The following IARS1 variants were observed in gnomAD, a reference collection of about 807,000 sequenced individuals.
IARS1 encodes the protein isoleucyl-tRNA synthetase 1, also known as isoleucine--tRNA ligase, cytoplasmic.
IARS1 carries 124 observed loss-of-function variants against 168.2 expected under a neutral mutation model. That is an observed-to-expected ratio of 0.74 (90% CI 0.64 to 0.86). The LOEUF is 0.86. Ranked by LOEUF, IARS1 falls within the 40% of genes least tolerant of loss-of-function variation. The pLI, the probability that IARS1 is intolerant of heterozygous loss-of-function variation, is 0.00. For missense variants in IARS1, 1,452 were observed against 1,515.8 expected, an observed-to-expected ratio of 0.96 and a Z score of 0.70; for synonymous variants, 532 against 529.4, an observed-to-expected ratio of 1.00 and a Z score of -0.07.
intron 33 of IARS1, among the ~76,000 whole-genome samples, chr9:92,217,420 A>C (rs1160450004): frequency 7.3e-6 from 1 of 137,414 alleles, no homozygotes; most frequent in East Asian, 2.0e-4. Context: ...AAATAACTAA[A>C]ATCAGAGCAG....
intron 30 of IARS1, among the ~76,000 whole-genome samples, chr9:92,229,878 G>A (rs561157304): frequency 6.6e-6 from 1 of 152,238 alleles, no homozygotes; most frequent in South Asian, 2.1e-4. Context: ...TATCACTCGT[G>A]TAAAATCCTG....
At chr9:92,265,402 G>A in intron 15 of IARS1, 78 bp downstream of exon 15, 2 of 1,270,438 alleles carry the variant, frequency 1.6e-6, no homozygotes, top group Non-Finnish European at 1.1e-6. Context: ...TTCCATGTGT[G>A]GCTCTGTAAT....
chr9:92,228,333 T>C (rs73516525), intron 31 of IARS1, among the ~76,000 whole-genome samples: 3,090 of 152,204 alleles, frequency 0.02, 111 homozygotes, highest in African/African-American at 0.07. Context: ...AGCGGGAGAA[T>C]GCATCTATAA....
At chr9:92,292,181 CTTTTTT>C (rs57075703) in intron 1 of IARS1, among the ~76,000 whole-genome samples, 15 of 118,010 alleles carry the variant, frequency 1.3e-4, no homozygotes, top group Non-Finnish European at 1.4e-4. Flanking sequence ...CCACACTCAG[CTTTTTT>C]TTTTTTTTTT....
At chr9:92,283,003 C>T (rs1340447299) in intron 6 of IARS1, among the ~76,000 whole-genome samples, 9 of 151,834 alleles carry the variant, frequency 5.9e-5, no homozygotes, top group Admixed American at 3.9e-4. Flanking sequence ...TAAAGGTTCA[C>T]GCCACCACGC....
At chr9:92,238,606 T>G (rs890085469) in intron 30 of IARS1, among the ~76,000 whole-genome samples, 1 of 152,180 alleles carries the variant, frequency 6.6e-6, no homozygotes, top group Non-Finnish European at 1.5e-5. Flanking sequence ...CTTTATAAAC[T>G]AGCCAGCCTC....
intron 28 of IARS1, chr9:92,242,775 C>T (rs1407452507): frequency 1.0e-5 from 2 of 200,882 alleles, no homozygotes; most frequent in Non-Finnish European, 2.0e-5. Flanking sequence ...TTTGCAGCCC[C>T]TCTGCGCTCC....
In IARS1 at chr9:92,229,782, C is replaced by T. The variant is rs148619143; in HGVS notation, c.3284-656G>A. 3.7e-4 allele frequency among the ~76,000 whole-genome samples: 56 copies of T among 152,288 alleles called. No individual in the cohort carries two copies. In the East Asian group the frequency reaches 9.5e-3, roughly 26 times the overall value. On this transcript the variant is annotated intron_variant, in intron 30 of 33. Coordinates refer to ENST00000443024, the MANE Select transcript of IARS1 (RefSeq NM_002161.6). ...ACCAGCATATTGACACTGATGCAATCCACTGATCCTATTCAGATTGCCTCA... is the reference window on the plus strand; with the variant it reads ...ACCAGCATATTGACACTGATGCAATTCACTGATCCTATTCAGATTGCCTCA...
At chr9:92,246,736 T>C (rs1206878768) in intron 26 of IARS1, among the ~76,000 whole-genome samples, 1 of 152,144 alleles carries the variant, frequency 6.6e-6, no homozygotes, top group African/African-American at 2.4e-5. Context: ...GTGCCTGTAG[T>C]GATCTCAAGT....
chr9:92,225,294 G>C (rs1420652372), intron 31 of IARS1, among the ~76,000 whole-genome samples: 1 of 152,196 alleles, frequency 6.6e-6, no homozygotes, highest in Non-Finnish European at 1.5e-5. Flanking sequence ...CGCTTGACCA[G>C]AGAACTCATT....
intron 16 of IARS1, 82 bp from the exon 17 acceptor site, chr9:92,263,137 T>A: frequency 2.0e-6 from 2 of 980,906 alleles, no homozygotes; most frequent in South Asian, 2.9e-5. Context: ...TTCATTGAAT[T>A]TCTATTTTTG....
chr9:92,240,547 A>C, intron 30 of IARS1: 1 of 631,232 alleles, frequency 1.6e-6, no homozygotes, highest in South Asian at 1.9e-5. Flanking sequence ...GGTGTGAGCT[A>C]CCATGCCTGG....
At chr9:92,271,784 T>G (rs1385103946) in intron 10 of IARS1, 129 bp from the exon 11 acceptor site, 21 of 1,022,156 alleles carry the variant, frequency 2.1e-5, no homozygotes, top group Non-Finnish European at 2.9e-5. Context: ...TCCTGTAAAC[T>G]GAAGGTAACT....
At chr9:92,257,355 T>C (rs1004819396) in intron 19 of IARS1, among the ~76,000 whole-genome samples, 1 of 152,224 alleles carries the variant, frequency 6.6e-6, no homozygotes, top group Non-Finnish European at 1.5e-5. Context: ...GCAGTGATAA[T>C]GTGACTCTTC....
chr9:92,290,391 G>T (rs1340425262), intron 1 of IARS1, among the ~76,000 whole-genome samples: 2 of 152,074 alleles, frequency 1.3e-5, no homozygotes, highest in African/African-American at 4.8e-5. Context: ...TTCTAATTGG[G>T]CTCTTTTTGT....
At chr9:92,278,127 T>C in intron 8 of IARS1, 72 bp downstream of exon 8, 1 of 1,174,844 alleles carries the variant, frequency 8.5e-7, no homozygotes, top group Non-Finnish European at 1.3e-6. Flanking sequence ...ACAAAGTTTA[T>C]TTCTTTTTAA....
At chr9:92,275,955 A>G (rs1437103550) in intron 9 of IARS1, among the ~76,000 whole-genome samples, 2 of 152,234 alleles carry the variant, frequency 1.3e-5, no homozygotes, top group African/African-American at 4.8e-5. Flanking sequence ...ACAGACCTCT[A>G]CTTAACCTAA....
Position 92,291,839 on chromosome 9 carries a change from C to T in IARS1, c.-8+1772G>A, listed in dbSNP as rs143051044. Among the ~76,000 whole-genome samples, 323 of 152,304 alleles carry T rather than the reference C, an allele frequency of 2.1e-3. 2 individuals carry two copies. The highest frequency in any genetic ancestry group is 7.3e-3 in the African/African-American group (303 of 41,556). On this transcript the variant is annotated intron_variant, in intron 1 of 33. Coordinates refer to ENST00000443024, the MANE Select transcript of IARS1 (RefSeq NM_002161.6). ...ATTAGAGATGCAGACTTACCAGCCT[C>T]ACCTCGCACCTACGAGTCAGAACCT...
Position 92,242,335 on chromosome 9 carries a change from AAAC to A in IARS1, c.3001-8_3001-6del. ...ATCAGTTGGAACCAGATTGCACTGAAAACACACACAGAAAAATTTAAAAGGGAA... is the reference window on the plus strand; with the variant it reads ...ATCAGTTGGAACCAGATTGCACTGAAACACACAGAAAAATTTAAAAGGGAA... On this transcript the variant is annotated splice_region_variant and splice_polypyrimidine_tract_variant and intron_variant, in intron 28 of 33. Transcript: ENST00000443024. 6 of 1,605,430 alleles carry A rather than the reference AAAC, an allele frequency of 3.7e-6. No homozygotes were observed. The highest frequency in any genetic ancestry group is 1.3e-5 in the African/African-American group (1 of 74,492).
Sources: allele counts gnomAD v4.1 joint callset (sites outside exome capture counted in the v4.1 genomes callset), GRCh38; gene constraint gnomAD v4.1.1; transcripts MANE v1.5; gene names NCBI Gene and HGNC (gene_info 2026-07-23, HGNC 2026-07-21).